Variants in STIM1 observed in about 807,000 individuals in gnomAD.
The protein encoded by STIM1 is stromal interaction molecule 1.
STIM1 carries 25 observed loss-of-function variants against 74.7 expected under a neutral mutation model. The observed-to-expected ratio is 0.33, with a 90% CI of 0.24 to 0.47. The LOEUF is 0.47. Ranked by LOEUF, STIM1 falls within the 20% of genes least tolerant of loss-of-function variation. The probability of loss-of-function intolerance (pLI) is 1.00; values close to 1 mark genes in which losing one functional copy is unlikely to be tolerated. For synonymous variants in STIM1, 328 were observed against 348.8 expected (o/e 0.94, Z 0.66); for missense variants, 728 against 920.8 (o/e 0.79, Z 2.71).
intron 6 of STIM1, among the ~76,000 whole-genome samples, chr11:4,074,043 A>G (rs561688210): frequency 6.6e-6 from 1 of 152,308 alleles, no homozygotes; most frequent in South Asian, 2.1e-4. Flanking sequence ...TCTAGATACC[A>G]CTACATAAGA....
At chr11:3,950,785 C>T (rs1295421494) in intron 1 of STIM1, among the ~76,000 whole-genome samples, 1 of 152,004 alleles carries the variant, frequency 6.6e-6, no homozygotes, top group Non-Finnish European at 1.5e-5. Flanking sequence ...GACACCATAC[C>T]CAGCTAATTT....
At chr11:3,977,236 G>C (rs1461395920) in intron 2 of STIM1, among the ~76,000 whole-genome samples, 1 of 152,226 alleles carries the variant, frequency 6.6e-6, no homozygotes, top group African/African-American at 2.4e-5. Context: ...TGTGTTGAAT[G>C]ACTGACCAAT....
At chr11:3,873,138 G>A (rs1451943684) in intron 1 of STIM1, among the ~76,000 whole-genome samples, 1 of 151,978 alleles carries the variant, frequency 6.6e-6, no homozygotes, top group African/African-American at 2.4e-5. Flanking sequence ...AAACTTGGCC[G>A]GGTGCGGTGG....
In STIM1 at chr11:3,985,793, G is replaced by A. The variant is rs1441244765; in HGVS notation, c.270+18111G>A. ...CCCTGCTTCCCTTCAGACCTAACTGGTGTTTGTGTTTGTTTGACTATATAT... is the reference window on the plus strand; with the variant it reads ...CCCTGCTTCCCTTCAGACCTAACTGATGTTTGTGTTTGTTTGACTATATAT... On this transcript the variant is annotated intron_variant, in intron 2 of 12. Coordinates refer to ENST00000526596, the MANE Select transcript of STIM1 (RefSeq NM_001382567.1). Among the ~76,000 whole-genome samples, 6 of 152,328 alleles carry A rather than the reference G, an allele frequency of 3.9e-5. No homozygotes were observed. The East Asian group carries it at 1.2e-3, about 29-fold the overall frequency.
Position 4,055,532 on chromosome 11 carries a change from A to G in STIM1, c.392A>G (p.Asn131Ser), listed in dbSNP as rs201274425. 102 of 1,595,482 alleles carry G rather than the reference A, an allele frequency of 6.4e-5. No homozygotes were observed. The highest frequency in any genetic ancestry group is 8.3e-5 in the Non-Finnish European group (97 of 1,171,544). ...WKAWKSSEVY[N>S]WTVDEVVQWL... The stretch of plus-strand genomic sequence containing the variant: ...TGCTTGTCTCTTTTCACAGTATACA[A>G]TTGGACCGTGGATGAGGTGGTACAG... The change falls in exon 4 of 13, where the codon AAT becomes AGT. Residue 131 changes from asparagine (N) to serine (S), a missense_variant. Asn to Ser is a conservative substitution (Grantham distance 46, BLOSUM62 1). Around this residue, in one of 5 missense-constraint regions of STIM1, gnomAD observed 132 missense variants for 158.2 expected, o/e 0.83. Coordinates refer to ENST00000526596, the MANE Select transcript of STIM1 (RefSeq NM_001382567.1).
intron 2 of STIM1, among the ~76,000 whole-genome samples, chr11:4,006,971 G>A (rs777358827): frequency 3.3e-5 from 5 of 152,190 alleles, no homozygotes; most frequent in Non-Finnish European, 5.9e-5. Context: ...CTTTATGTCA[G>A]TGAATTCTCT....
At chr11:3,986,478 T>G (rs1306413115) in intron 2 of STIM1, among the ~76,000 whole-genome samples, 3 of 152,078 alleles carry the variant, frequency 2.0e-5, no homozygotes, top group Admixed American at 6.6e-5. Context: ...GTAGCCAGAT[T>G]TGTGTGCCAT....
At chr11:3,991,895 A>G (rs1384061355) in intron 2 of STIM1, among the ~76,000 whole-genome samples, 1 of 135,660 alleles carries the variant, frequency 7.4e-6, no homozygotes, top group Admixed American at 8.1e-5. Context: ...GGTTGCGGTG[A>G]GCCGAGATCG....
chr11:4,063,865 C>G (rs944522514), intron 5 of STIM1, among the ~76,000 whole-genome samples: 2 of 152,138 alleles, frequency 1.3e-5, no homozygotes, highest in Admixed American at 1.3e-4. Context: ...TCAGCTGTGA[C>G]ATTTTATGAT....
chr11:3,969,321 C>CAA (rs879839105), intron 2 of STIM1, among the ~76,000 whole-genome samples: 1 of 134,138 alleles, frequency 7.5e-6, no homozygotes. Flanking sequence ...CCTGTCTCTA[C>CAA]AAAAAAAAAA....
At chr11:3,886,243 A>C (rs2135350574) in intron 1 of STIM1, among the ~76,000 whole-genome samples, 1 of 152,382 alleles carries the variant, frequency 6.6e-6, no homozygotes, top group East Asian at 1.9e-4. Context: ...AAAGACGGAT[A>C]ACCTAAGAGG....
intron 2 of STIM1, among the ~76,000 whole-genome samples, chr11:4,011,015 A>G (rs2093830994): frequency 6.6e-6 from 1 of 152,142 alleles, no homozygotes. Flanking sequence ...GATGGTTTCC[A>G]GCTTCATTCA....
intron 1 of STIM1, among the ~76,000 whole-genome samples, chr11:3,873,106 C>T (rs1367879807): frequency 6.6e-6 from 1 of 152,024 alleles, no homozygotes; most frequent in East Asian, 1.9e-4. Context: ...CCACCACACT[C>T]CACTGATTTT....
chr11:3,941,678 A>T (rs2093011657), intron 1 of STIM1, among the ~76,000 whole-genome samples: 1 of 111,692 alleles, frequency 9.0e-6, no homozygotes, highest in Non-Finnish European at 2.1e-5. Context: ...ATATATAGAG[A>T]GAGAGAGAGA....
intron 1 of STIM1, among the ~76,000 whole-genome samples, chr11:3,934,459 A>G (rs2092909332): frequency 6.6e-6 from 1 of 152,138 alleles, no homozygotes; most frequent in Non-Finnish European, 1.5e-5. Context: ...GTGCCTCCAT[A>G]GCACTTTGTA....
rs73429612 is a variant in STIM1, at chr11:3,989,944, A to T, written c.270+22262A>T. Among the ~76,000 whole-genome samples the T allele has an allele frequency of 2.0e-5, 3 of 152,304 alleles. No homozygotes were observed. The East Asian group carries it at 5.8e-4, about 29-fold the overall frequency. On this transcript the variant is annotated intron_variant, in intron 2 of 12. Coordinates refer to ENST00000526596, the MANE Select transcript of STIM1 (RefSeq NM_001382567.1). Reference sequence around the variant, plus strand: ...AATTCACCCATTTATATACAATTCAATGGGTTTTAGTATATTCACAGATAT... The same window carrying T: ...AATTCACCCATTTATATACAATTCATTGGGTTTTAGTATATTCACAGATAT...
chr11:3,998,543 G>A (rs528116333), intron 2 of STIM1, among the ~76,000 whole-genome samples: 57 of 152,172 alleles, frequency 3.7e-4, no homozygotes, highest in Admixed American at 3.3e-3. Context: ...CCGGGCCCTC[G>A]GCTTGGAGAT....
intron 1 of STIM1, among the ~76,000 whole-genome samples, chr11:3,956,433 T>G (rs1056595268): frequency 6.6e-6 from 1 of 152,170 alleles, no homozygotes; most frequent in Non-Finnish European, 1.5e-5. Flanking sequence ...GAATTGGAAC[T>G]TAACTAGTTC....
Position 3,892,829 on chromosome 11 carries a change from A to T in STIM1, c.139+36420A>T, listed in dbSNP as rs1376786853. 5.6e-6 allele frequency: 9 copies of T among 1,612,280 alleles called. No homozygotes were observed. In the Admixed American group the frequency reaches 1.5e-4, roughly 27 times the overall value. On this transcript the variant is annotated intron_variant, in intron 1 of 12. Transcript: ENST00000526596. ...CTTGTCTGCAAATAGCTTGAAGGAG[A>T]CATGGCCCAAGGGCTCGCTGTTGAC...
Sources: gnomAD v4.1 joint callset for allele counts (sites outside exome capture counted in the v4.1 genomes callset) on GRCh38, gnomAD v4.1.1 for gene constraint, gnomAD v4.1.1 regional missense constraint, MANE v1.5 for transcripts, NCBI Gene and HGNC (gene_info 2026-07-23, HGNC 2026-07-21) for gene names.